The following KCNIP4 variants were observed in gnomAD, a reference collection of about 807,000 sequenced individuals.
KCNIP4 encodes potassium voltage-gated channel interacting protein 4.
KCNIP4 carries 12 observed loss-of-function variants against 34.0 expected under a neutral mutation model. The observed-to-expected ratio is 0.35, with a 90% CI of 0.23 to 0.57. The LOEUF is 0.57. KCNIP4 is among the 20% of genes least tolerant of loss of function. The pLI, the probability that KCNIP4 is intolerant of heterozygous loss-of-function variation, is 0.83. For synonymous variants in KCNIP4, 124 were observed against 102.2 expected, an observed-to-expected ratio of 1.21 and a Z score of -1.29; for missense variants, 238 against 311.7, an observed-to-expected ratio of 0.76 and a Z score of 1.78.
chr4:21,455,010 T>C (rs142895913), intron 1 of KCNIP4, among the ~76,000 whole-genome samples: 1 of 151,992 alleles, frequency 6.6e-6, no homozygotes, highest in Non-Finnish European at 1.5e-5. Context: ...TTCTGGAGAA[T>C]CCCTCAGTCC....
At chr4:21,637,697 C>T (rs982071860) in intron 1 of KCNIP4, among the ~76,000 whole-genome samples, 11 of 149,810 alleles carry the variant, frequency 7.3e-5, no homozygotes, top group East Asian at 2.0e-4. Context: ...GCAGGAGAAT[C>T]GCTTGAACCC....
intron 1 of KCNIP4, among the ~76,000 whole-genome samples, chr4:21,584,253 C>T (rs1400531998): frequency 6.6e-6 from 1 of 152,002 alleles, no homozygotes; most frequent in African/African-American, 2.4e-5. Context: ...CATTTTTAAA[C>T]ATAAATCTCA....
intron 1 of KCNIP4, among the ~76,000 whole-genome samples, chr4:21,094,863 C>T (rs1747327243): frequency 6.6e-6 from 1 of 152,070 alleles, no homozygotes; most frequent in African/African-American, 2.4e-5. Context: ...AATTGAGGCA[C>T]AGAGATTAAG....
At chr4:20,805,682 T>C (rs149360358) in intron 3 of KCNIP4, among the ~76,000 whole-genome samples, 2 of 152,298 alleles carry the variant, frequency 1.3e-5, no homozygotes, top group Non-Finnish European at 2.9e-5. Context: ...TTGATTAGAC[T>C]ACAAACTGAT....
intron 1 of KCNIP4, among the ~76,000 whole-genome samples, chr4:21,193,224 T>C (rs936635112): frequency 3.9e-5 from 6 of 152,334 alleles, no homozygotes; most frequent in African/African-American, 1.4e-4. Context: ...TCTGCTGATG[T>C]TGGACAAGCT....
intron 1 of KCNIP4, among the ~76,000 whole-genome samples, chr4:21,296,414 T>G (rs6816993): frequency 6.6e-5 from 10 of 151,860 alleles, no homozygotes; most frequent in Non-Finnish European, 1.5e-4. Context: ...CTCTCTTTTT[T>G]TTTTTGATGG....
chr4:21,219,699 A>G (rs1000111776), intron 1 of KCNIP4, among the ~76,000 whole-genome samples: 1 of 152,182 alleles, frequency 6.6e-6, no homozygotes, highest in African/African-American at 2.4e-5. Context: ...CACAACATTG[A>G]AAAAACAGCA....
intron 1 of KCNIP4, among the ~76,000 whole-genome samples, chr4:20,922,851 G>T (rs1452482957): frequency 2.6e-5 from 4 of 152,030 alleles, no homozygotes; most frequent in Non-Finnish European, 5.9e-5. Context: ...ATTGTTTATA[G>T]AATTTATTTT....
chr4:21,021,478 CTT>C (rs1185170374), intron 1 of KCNIP4, among the ~76,000 whole-genome samples: 1 of 152,194 alleles, frequency 6.6e-6, no homozygotes, highest in Non-Finnish European at 1.5e-5. Flanking sequence ...TGTAATAACA[CTT>C]AGCTTAAAAC....
chr4:21,367,074 C>A (rs917066652), intron 1 of KCNIP4, among the ~76,000 whole-genome samples: 7 of 152,072 alleles, frequency 4.6e-5, no homozygotes, highest in African/African-American at 1.7e-4. Context: ...CCTTCTGATG[C>A]AGCACTCAAG....
intron 1 of KCNIP4, among the ~76,000 whole-genome samples, chr4:21,942,883 C>T (rs1730282310): frequency 6.6e-6 from 1 of 152,122 alleles, no homozygotes; most frequent in African/African-American, 2.4e-5. Context: ...CTCAGCCTCC[C>T]AAGTAGCTGG....
At chr4:20,874,950 G>A (rs930425786) in intron 2 of KCNIP4, among the ~76,000 whole-genome samples, 1 of 152,118 alleles carries the variant, frequency 6.6e-6, no homozygotes, top group Non-Finnish European at 1.5e-5. Flanking sequence ...TACCACAAAA[G>A]GAGGAAATCT....
intron 2 of KCNIP4, among the ~76,000 whole-genome samples, chr4:20,869,615 A>G (rs1723229928): frequency 6.6e-6 from 1 of 152,190 alleles, no homozygotes; most frequent in East Asian, 1.9e-4. Flanking sequence ...CTGGCTGGAC[A>G]ATGTGTTTAA....
At chr4:21,016,235 A>G (rs1739530415) in intron 1 of KCNIP4, among the ~76,000 whole-genome samples, 1 of 150,422 alleles carries the variant, frequency 6.6e-6, no homozygotes. Flanking sequence ...TTCCAAATAT[A>G]CCCTTTTATT....
At chr4:21,490,727 C>T (rs1450477811) in intron 1 of KCNIP4, among the ~76,000 whole-genome samples, 2 of 152,078 alleles carry the variant, frequency 1.3e-5, no homozygotes, top group African/African-American at 4.8e-5. Flanking sequence ...ATTTCTTTAG[C>T]CTTGGACAGG....
At chr4:21,812,653 T>C (rs1721731995) in intron 1 of KCNIP4, among the ~76,000 whole-genome samples, 1 of 152,182 alleles carries the variant, frequency 6.6e-6, no homozygotes. Flanking sequence ...AATTTCTTTA[T>C]TTTCTTAAAA....
chr4:20,757,016 A>G (rs1754531848), intron 4 of KCNIP4, among the ~76,000 whole-genome samples: 3 of 151,994 alleles, frequency 2.0e-5, no homozygotes, highest in Admixed American at 2.0e-4. Flanking sequence ...TGAGCCTCAC[A>G]TTTGTGCCAA....
chr4:21,433,523 G>C (rs1015174457), intron 1 of KCNIP4, among the ~76,000 whole-genome samples: 2 of 152,202 alleles, frequency 1.3e-5, no homozygotes, highest in African/African-American at 4.8e-5. Context: ...CCCGCAATGT[G>C]AAGAAGAGCT....
chr4:21,780,458 T>C (rs1382629624), intron 1 of KCNIP4, among the ~76,000 whole-genome samples: 2 of 152,076 alleles, frequency 1.3e-5, no homozygotes. Flanking sequence ...TGCCAAAGAC[T>C]TGTGAGCTAT....
Sources: allele counts gnomAD v4.1 joint callset (sites outside exome capture counted in the v4.1 genomes callset), GRCh38; gene constraint gnomAD v4.1.1; transcripts MANE v1.5; gene names NCBI Gene and HGNC (gene_info 2026-07-23, HGNC 2026-07-21).